B4GALT7: variants seen among roughly 807,000 people sequenced by gnomAD.
B4GALT7 encodes the protein UDP-Gal:beta-GlcNAc beta-1,4-galactosyltransferase 7.
In B4GALT7, 30 loss-of-function variants were observed where a neutral mutation model predicts 33.0. The observed-to-expected ratio is 0.91, with a 90% confidence interval of 0.68 to 1.23. B4GALT7 has a LOEUF of 1.23. Among genes scored for constraint, B4GALT7 ranks in the 50% most tolerant of loss-of-function variants. The pLI is 0.00. For missense variants in B4GALT7, 507 were observed against 450.8 expected (o/e 1.12, Z -1.13); for synonymous variants, 213 against 187.2 (o/e 1.14, Z -1.13).
intron 1 of B4GALT7, chr5:177,603,026 G>A (rs541529091): frequency 1.8e-4 from 58 of 325,746 alleles, no homozygotes; most frequent in Non-Finnish European, 2.5e-4. Context: ...GGGACTATAG[G>A]CGCGTACCAC....
intron 3 of B4GALT7, 88 bp downstream of exon 3, chr5:177,607,615 C>T (rs1768054693): frequency 7.7e-7 from 1 of 1,307,104 alleles, no homozygotes. Context: ...GCCTCTGGGG[C>T]CCAGCAGATG....
At chr5:177,607,968 T>C (rs1429680132) in intron 3 of B4GALT7, 9 of 272,668 alleles carry the variant, frequency 3.3e-5, no homozygotes, top group Non-Finnish European at 6.5e-5. Flanking sequence ...AGTCCCGCAG[T>C]GAGCTGCACT....
chr5:177,606,783 C>G lies in B4GALT7; in HGVS notation c.414-519C>G, dbSNP rs754764930. The G allele has an allele frequency of 1.6e-5, 4 of 255,646 alleles. No homozygotes were observed. Among genetic ancestry groups the G allele is most frequent in the Non-Finnish European group, 3.1e-5 (4 of 128,708 alleles). 15.8% of individuals were successfully genotyped at this position (255,646 alleles called of 1,614,324 possible). A position where few individuals can be genotyped will look rare whatever the true frequency, so the allele number is the denominator to read the frequency against. On this transcript the variant is annotated intron_variant, in intron 2 of 5. Coordinates refer to ENST00000029410, the MANE Select transcript of B4GALT7 (RefSeq NM_007255.3). This position sits in a 1 kb window ranked among gnomAD's most constrained non-coding sequence, Gnocchi z 4.2. ...ATCCCCACCTCTGCCCTCGCCCTGC[C>G]CAGCTGCCCGTTGGTCTGCTCCTGC...
chr5:177,604,672 G>T, intron 2 of B4GALT7, 131 bp downstream of exon 2: 1 of 1,217,422 alleles, frequency 8.2e-7, no homozygotes, highest in East Asian at 2.4e-5. Flanking sequence ...GGGTGTGACA[G>T]GAACCTTTGG....
In B4GALT7 at chr5:177,603,407, C is replaced by G. The variant is rs555641890; in HGVS notation, c.51-772C>G. On this transcript the variant is annotated intron_variant, in intron 1 of 5. Coordinates refer to ENST00000029410, the MANE Select transcript of B4GALT7 (RefSeq NM_007255.3). ...GTATTTGCTAACCAAAAGGCTGTCT[C>G]CTGGCATCACCCCAGTGTCTGTGAT... The G allele has an allele frequency of 1.9e-5, 18 of 965,806 alleles. No homozygotes were observed. In the South Asian group the frequency reaches 4.3e-4, roughly 23 times the overall value. 59.8% of individuals were successfully genotyped at this position (965,806 alleles called of 1,614,324 possible). A position where few individuals can be genotyped will look rare whatever the true frequency, so the allele number is the denominator to read the frequency against.
intron 2 of B4GALT7, chr5:177,605,274 C>G (rs1314451733): frequency 3.0e-6 from 1 of 333,732 alleles, no homozygotes; most frequent in Non-Finnish European, 5.9e-6. Flanking sequence ...CTGATTTACT[C>G]CAGCTCTCTG....
chr5:177,607,504 C>T lies in B4GALT7; in HGVS notation c.616C>T (p.Leu206Phe). Residue 206 changes from leucine to phenylalanine, a missense_variant, in exon 3 of 6, where the codon CTC becomes TTC. Physicochemically the swap from Leu to Phe is conservative, Grantham distance 22. Coordinates refer to ENST00000029410, the MANE Select transcript of B4GALT7 (RefSeq NM_007255.3). ...YKTYVGGILL[L>F]SKQHYRLCNG... ...GACCTATGTCGGCGGCATCCTGCTG[C>T]TCTCCAAGCAGCACTACCGGCTGGT... 2 of 1,612,846 alleles carry T rather than the reference C, an allele frequency of 1.2e-6. No individual in the cohort carries two copies. The highest frequency in any genetic ancestry group is 1.7e-6 in the Non-Finnish European group (2 of 1,180,032).
chr5:177,609,758 C>G lies in B4GALT7; in HGVS notation c.*63C>G. ...ATATTGCTCAGGCTCAGGACAAGGC[C>G]TCAGGTCGTGGGCCCAGCTCTGACA... On this transcript the variant is annotated 3_prime_UTR_variant, in exon 6 of 6. Transcript: ENST00000029410. 1 of 1,547,208 alleles carries G rather than the reference C, an allele frequency of 6.5e-7. No homozygotes were observed. The highest frequency in any genetic ancestry group is 8.7e-7 in the Non-Finnish European group (1 of 1,144,008).
Position 177,606,753 on chromosome 5 carries a change from C to A in B4GALT7, c.414-549C>A. The A allele has an allele frequency of 4.1e-6, 1 of 244,474 alleles. No homozygotes were observed. Among genetic ancestry groups the A allele is most frequent in the Non-Finnish European group, 8.2e-6 (1 of 122,486 alleles). 15.1% of individuals were successfully genotyped at this position (244,474 alleles called of 1,614,324 possible). On this transcript the variant is annotated intron_variant, in intron 2 of 5. Transcript: ENST00000029410. This position sits in a 1 kb window ranked among gnomAD's most constrained non-coding sequence, Gnocchi z 4.2. The stretch of plus-strand genomic sequence containing the variant: ...GCCTTGTGCAGTCACTGTGTCACCC[C>A]CAACATCCCCACCTCTGCCCTCGCC...
In B4GALT7 at chr5:177,607,536, C is replaced by CGGG. The variant is rs1561815605; in HGVS notation, c.639+11_639+12insGGG. 6.2e-7 allele frequency: 1 copy of CGGG among 1,608,072 alleles called. No homozygotes were observed. Among genetic ancestry groups the CGGG allele is most frequent in the Non-Finnish European group, 8.5e-7 (1 of 1,178,782 alleles). ...AGCAGCACTACCGGCTGGTGAGGCC[C>CGGG]GGACAGCCTGCTCTGCTCAGAGCCG... On this transcript the variant is annotated intron_variant, in intron 3 of 5. Coordinates refer to ENST00000029410, the MANE Select transcript of B4GALT7 (RefSeq NM_007255.3).
Position 177,609,733 on chromosome 5 carries a change from A to G in B4GALT7, c.*38A>G. ...GTGAGGAAGCCTGTACCTACAGGCC[A>G]TATTGCTCAGGCTCAGGACAAGGCC... On this transcript the variant is annotated 3_prime_UTR_variant, in exon 6 of 6. Transcript: ENST00000029410. 2 of 1,565,554 alleles carry G rather than the reference A, an allele frequency of 1.3e-6. No individual in the cohort carries two copies. The highest frequency in any genetic ancestry group is 1.7e-6 in the Non-Finnish European group (2 of 1,154,964).
intron 1 of B4GALT7, among the ~76,000 whole-genome samples, chr5:177,603,668 G>C (rs980688946): frequency 2.0e-5 from 3 of 152,166 alleles, no homozygotes; most frequent in African/African-American, 7.2e-5. Flanking sequence ...GCACACACCC[G>C]TGTCTGGGTG....
rs771646034 is a variant in B4GALT7, at chr5:177,609,606, G to A, written c.895G>A (p.Ala299Thr). The A allele has an allele frequency of 2.5e-6, 4 of 1,613,876 alleles. No individual in the cohort carries two copies. In the East Asian group the frequency reaches 8.9e-5, roughly 36 times the overall value. ...GAAGTACCATGTGGCTTCCCGCACT[G>A]CCCTGTCTGTGGGCGGGGCCCCCTG... ...TVKYHVASRT[A>T]LSVGGAPCTV... is the part of the protein sequence containing the mutation. The change falls in exon 6 of 6, where the codon GCC becomes ACC. Residue 299 changes from alanine to threonine, a missense_variant. Physicochemically the swap from Ala to Thr is moderately conservative, Grantham distance 58. Transcript: ENST00000029410.
rs1368229339 is a variant in B4GALT7, at chr5:177,608,860, T to C, written c.724-50T>C. 7 of 1,512,600 alleles carry C rather than the reference T, an allele frequency of 4.6e-6. No homozygotes were observed. Among genetic ancestry groups the C allele is most frequent in the Non-Finnish European group, 6.4e-6 (7 of 1,090,256 alleles). 93.7% of individuals were successfully genotyped at this position (1,512,600 alleles called of 1,614,324 possible). Reference sequence around the variant, plus strand: ...GACCTCGGGAGCTGGTGGTGAGGGCTGGGGCTCCAGGAAGGGCAGCCTGAC... The same window carrying C: ...GACCTCGGGAGCTGGTGGTGAGGGCCGGGGCTCCAGGAAGGGCAGCCTGAC... On this transcript the variant is annotated intron_variant, in intron 4 of 5. Coordinates refer to ENST00000029410, the MANE Select transcript of B4GALT7 (RefSeq NM_007255.3). The surrounding 1 kb of genome is among the most constrained non-coding windows in gnomAD (Gnocchi z 4.1).
rs764627401 is a variant in B4GALT7, at chr5:177,607,484, A to G, written c.596A>G (p.Tyr199Cys). Residue 199 changes from tyrosine (Y) to cysteine (C), a missense_variant, in exon 3 of 6, where the codon TAT (tyrosine) becomes TGT (cysteine). Transcript: ENST00000029410. ...CACCCTCTCTACCACTACAAGACCT[A>G]TGTCGGCGGCATCCTGCTGCTCTCC... ...ELHPLYHYKT[Y>C]VGGILLLSKQ... is the part of the protein sequence containing the mutation. 20 of 1,613,470 alleles carry G rather than the reference A, an allele frequency of 1.2e-5. No homozygotes were observed. The highest frequency in any genetic ancestry group is 1.7e-5 in the Non-Finnish European group (20 of 1,179,984).
chr5:177,608,487 GCCC>G lies in B4GALT7; in HGVS notation c.640-43_640-41del, dbSNP rs71585644. ...ACTCCCGAGCGGTAGGAGACCAAAG[GCCC>G]CCCCCCCCGGGAAGATGGGCCGAGT... On this transcript the variant is annotated intron_variant, in intron 3 of 5. Coordinates refer to ENST00000029410, the MANE Select transcript of B4GALT7 (RefSeq NM_007255.3). The surrounding 1 kb of genome is among the most constrained non-coding windows in gnomAD (Gnocchi z 4.1). 153,992 of 1,323,060 alleles carry G rather than the reference GCCC, an allele frequency of 0.12. 10,687 individuals carry two copies. Among genetic ancestry groups the G allele is most frequent in the East Asian group, 0.34 (13,932 of 40,494 alleles). 82.0% of individuals were successfully genotyped at this position (1,323,060 alleles called of 1,614,324 possible).
In B4GALT7 at chr5:177,604,449, G is replaced by A. The variant is rs1429562393; in HGVS notation, c.321G>A (p.Glu107=). The change falls in exon 2 of 6, where the codon GAG becomes GAA. Residue 107 remains glutamate, a synonymous_variant. Coordinates refer to ENST00000029410, the MANE Select transcript of B4GALT7 (RefSeq NM_007255.3). The stretch of plus-strand genomic sequence containing the variant: ...TGCCCTTCCGCGAACGCTTCGAGGA[G>A]CTCCTGGTCTTCGTGCCCCACATGC... The part of the protein sequence containing the change: ...VLVPFRERFE[E]LLVFVPHMRR... The A allele has an allele frequency of 1.2e-6, 2 of 1,613,996 alleles. No homozygotes were observed. Among genetic ancestry groups the A allele is most frequent in the Non-Finnish European group, 1.7e-6 (2 of 1,179,942 alleles).
chr5:177,604,804 C>A (rs1473231104), intron 2 of B4GALT7, among the ~76,000 whole-genome samples: 1 of 152,004 alleles, frequency 6.6e-6, no homozygotes, highest in African/African-American at 2.4e-5. Flanking sequence ...CTGTGGTCTG[C>A]GGTGACAGTG....
intron 2 of B4GALT7, chr5:177,605,125 C>T (rs1056368373): frequency 3.7e-5 from 16 of 427,358 alleles, no homozygotes; most frequent in African/African-American, 3.0e-4. Context: ...TCCAGATCCC[C>T]AGACCCCCCC....
Sources: gnomAD v4.1 joint callset for allele counts (sites outside exome capture counted in the v4.1 genomes callset) on GRCh38, gnomAD v4.1.1 for gene constraint, Gnocchi (gnomAD v3.1) non-coding constraint, MANE v1.5 for transcripts, NCBI Gene and HGNC (gene_info 2026-07-23, HGNC 2026-07-21) for gene names.